ACYP2: variants seen among roughly 807,000 people sequenced by gnomAD.
The protein encoded by ACYP2 is acylphosphatase 2, also known as acylphosphatase-2.
Under a neutral mutation model 11.2 loss-of-function variants are expected in ACYP2, and 12 were observed. That is an observed-to-expected ratio of 1.08 (90% CI 0.69 to 1.74). ACYP2 has a LOEUF of 1.74. ACYP2 is among the 40% of genes most tolerant of loss of function. The pLI is 0.00. For synonymous variants in ACYP2, 43 were observed against 32.2 expected (o/e 1.33, Z -1.13); for missense variants, 134 against 101.9 (o/e 1.31, Z -1.35).
chr2:54,132,904 C>G (rs935902959), intron 4 of ACYP2, among the ~76,000 whole-genome samples: 1 of 151,868 alleles, frequency 6.6e-6, no homozygotes, highest in African/African-American at 2.4e-5. Context: ...ACCATTATGC[C>G]CAGCTAATTT....
chr2:54,300,939 A>T (rs1276512880), intron 6 of ACYP2, among the ~76,000 whole-genome samples: 1 of 152,232 alleles, frequency 6.6e-6, no homozygotes, highest in Non-Finnish European at 1.5e-5. Flanking sequence ...TTGTATTTTT[A>T]AAAATTATGA....
chr2:54,120,273 G>T (rs778930092), intron 4 of ACYP2, among the ~76,000 whole-genome samples: 43 of 152,182 alleles, frequency 2.8e-4, no homozygotes, highest in Non-Finnish European at 5.3e-4. Flanking sequence ...TTGGGAGAGG[G>T]TTAAGAGAGC....
chr2:54,202,215 TCTC>T (rs1235812839), intron 6 of ACYP2, among the ~76,000 whole-genome samples: 3 of 152,072 alleles, frequency 2.0e-5, no homozygotes, highest in Non-Finnish European at 4.4e-5. Flanking sequence ...TTCAAGCAGT[TCTC>T]CTGCCTTGGC....
At chr2:53,972,267 G>T (rs552577701) in intron 1 of ACYP2, among the ~76,000 whole-genome samples, 4 of 149,210 alleles carry the variant, frequency 2.7e-5, no homozygotes, top group Non-Finnish European at 4.4e-5. Context: ...CCAAGATCGC[G>T]CCAGGGCACT....
chr2:54,303,235 C>T (rs1056164648), intron 6 of ACYP2, among the ~76,000 whole-genome samples: 1 of 152,020 alleles, frequency 6.6e-6, no homozygotes, highest in Non-Finnish European at 1.5e-5. Flanking sequence ...CCTGTAGTCC[C>T]AGCTACCTGG....
At chr2:54,092,537 C>T (rs1423731472) in intron 4 of ACYP2, among the ~76,000 whole-genome samples, 1 of 152,084 alleles carries the variant, frequency 6.6e-6, no homozygotes, top group African/African-American at 2.4e-5. Context: ...CCAGTTAAGC[C>T]ATCTAGAGCA....
intron 4 of ACYP2, chr2:54,079,831 A>C (rs893031742): frequency 6.6e-6 from 1 of 152,252 alleles, no homozygotes; most frequent in African/African-American, 2.4e-5. Flanking sequence ...AAATCATACC[A>C]AACTACAAAT....
intron 3 of ACYP2, among the ~76,000 whole-genome samples, chr2:54,056,984 C>G (rs2103624888): frequency 6.6e-6 from 1 of 152,258 alleles, no homozygotes; most frequent in Admixed American, 6.5e-5. Context: ...ATATCTTGCT[C>G]ACACCAAAAC....
At chr2:54,137,357 T>C (rs1681309730) in intron 5 of ACYP2, among the ~76,000 whole-genome samples, 1 of 152,180 alleles carries the variant, frequency 6.6e-6, no homozygotes, top group African/African-American at 2.4e-5. Context: ...GGGGGTTTAT[T>C]ATACAGAGTA....
chr2:53,994,533 G>T lies in ACYP2; in HGVS notation c.62+20723G>T, dbSNP rs555063906. On this transcript the variant is annotated intron_variant, in intron 2 of 6. Coordinates refer to ENST00000607452, the MANE Select transcript of ACYP2 (RefSeq NM_001320586.2). ...GACTCAGAAAAAAAAAAAAAAAAAA[G>T]AGGAAACTGGCAGGAAAGAGGTCAT... Among the ~76,000 whole-genome samples the T allele has an allele frequency of 1.8e-4, 26 of 140,896 alleles. No individual in the cohort carries two copies. In the South Asian group the frequency reaches 3.6e-3, roughly 20 times the overall value. 92.4% of individuals were successfully genotyped at this position (140,896 alleles called of 152,430 possible). A position where few individuals can be genotyped will look rare whatever the true frequency, so the allele number is the denominator to read the frequency against.
chr2:54,106,002 AGTATAGTACCT>A, intron 4 of ACYP2, among the ~76,000 whole-genome samples: 1 of 152,190 alleles, frequency 6.6e-6, no homozygotes, highest in South Asian at 2.1e-4. Flanking sequence ...TTGTCTTTAA[AGTATAGTACCT>A]GTCCTACTTA....
chr2:54,059,652 A>T (rs11903396), intron 4 of ACYP2, among the ~76,000 whole-genome samples: 7,140 of 152,154 alleles, frequency 0.047, 589 homozygotes, highest in African/African-American at 0.16. Context: ...TGCTGTCTTG[A>T]TTGTCATCCC....
intron 6 of ACYP2, among the ~76,000 whole-genome samples, chr2:54,297,004 T>C (rs1689548556): frequency 6.6e-6 from 1 of 152,144 alleles, no homozygotes; most frequent in Non-Finnish European, 1.5e-5. Flanking sequence ...CATCTACCCA[T>C]CCATCCATTC....
At chr2:53,974,874 G>A (rs998511220) in intron 2 of ACYP2, among the ~76,000 whole-genome samples, 1 of 152,138 alleles carries the variant, frequency 6.6e-6, no homozygotes, top group African/African-American at 2.4e-5. Flanking sequence ...TTTGGTTGAC[G>A]TGTAAGTGAA....
intron 4 of ACYP2, among the ~76,000 whole-genome samples, chr2:54,126,446 A>G (rs1322588822): frequency 6.6e-6 from 1 of 152,184 alleles, no homozygotes; most frequent in Non-Finnish European, 1.5e-5. Flanking sequence ...CAGTCACTCA[A>G]AAAGCCAGGA....
At chr2:54,002,928 G>A (rs779902397) in intron 2 of ACYP2, among the ~76,000 whole-genome samples, 3 of 150,292 alleles carry the variant, frequency 2.0e-5, no homozygotes, top group Admixed American at 6.6e-5. Context: ...GATTACAGGC[G>A]TGAGCCACCA....
intron 3 of ACYP2, among the ~76,000 whole-genome samples, chr2:54,053,292 C>G (rs1293813857): frequency 6.6e-6 from 1 of 152,184 alleles, no homozygotes; most frequent in Non-Finnish European, 1.5e-5. Context: ...GGCTGGCTGT[C>G]TAGTGAACTG....
chr2:54,169,124 C>G (rs531002822), intron 6 of ACYP2, among the ~76,000 whole-genome samples: 4 of 152,224 alleles, frequency 2.6e-5, no homozygotes, highest in African/African-American at 4.8e-5. Flanking sequence ...CCTTTTTCCC[C>G]ACAGAATGGA....
chr2:54,206,237 T>C (rs1685066143), intron 6 of ACYP2, among the ~76,000 whole-genome samples: 1 of 152,240 alleles, frequency 6.6e-6, no homozygotes, highest in Non-Finnish European at 1.5e-5. Flanking sequence ...GGGCTCAGTA[T>C]ATCGTTGTAA....
Sources: allele counts gnomAD v4.1 joint callset (sites outside exome capture counted in the v4.1 genomes callset), GRCh38; gene constraint gnomAD v4.1.1; transcripts MANE v1.5; gene names NCBI Gene and HGNC (gene_info 2026-07-23, HGNC 2026-07-21).